TSBP1: variants seen among roughly 807,000 people sequenced by gnomAD.
The protein encoded by TSBP1 is testis expressed basic protein 1.
In TSBP1, 56 loss-of-function variants were observed where a neutral mutation model predicts 68.8. The observed-to-expected ratio is 0.81, with a 90% CI of 0.66 to 1.02. TSBP1 has a LOEUF of 1.02. TSBP1 is among the 50% of genes least tolerant of loss of function. The pLI, the probability that TSBP1 is intolerant of heterozygous loss-of-function variation, is 0.00. For missense variants in TSBP1, 502 were observed against 641.2 expected (o/e 0.78, Z 2.34); for synonymous variants, 171 against 208.7 (o/e 0.82, Z 1.56).
At chr6:32,301,441 C>G (rs9268156) in intron 20 of TSBP1, among the ~76,000 whole-genome samples, 37,948 of 151,764 alleles carry the variant, frequency 0.25, 5,113 homozygotes, top group African/African-American at 0.34. Context: ...AGGCTGGCGC[C>G]GTGGCTCATG....
At chr6:32,300,781 G>C (rs1333400446) in intron 20 of TSBP1, 81 bp from the exon 24 acceptor site, 1 of 1,118,238 alleles carries the variant, frequency 8.9e-7, no homozygotes, top group African/African-American at 1.5e-5. Flanking sequence ...CATTGAGTGG[G>C]ATCTGTGTCA....
intron 22 of TSBP1, 64 bp from the exon 26 acceptor site, chr6:32,294,099 T>C (rs1400617565): frequency 3.8e-6 from 6 of 1,583,592 alleles, no homozygotes; most frequent in Non-Finnish European, 3.4e-6. Flanking sequence ...TCTATTTTTT[T>C]CCCCTTGATA....
Position 32,357,057 on chromosome 6 carries a change from T to C in TSBP1, c.218-1388A>G, listed in dbSNP as rs1226778433. Among the ~76,000 whole-genome samples, 1 of 152,180 alleles carries C rather than the reference T, an allele frequency of 6.6e-6. No individual in the cohort carries two copies. The highest frequency in any genetic ancestry group is 1.5e-5 in the Non-Finnish European group (1 of 68,034). ...TATAGTCTCAAGTTGACCAGTACAT[T>C]TATATTCCTATGTCTAGAAATAATG... On this transcript the variant is annotated intron_variant, in intron 6 of 22. Transcript: ENST00000612031. The surrounding 1 kb of genome is among the most constrained non-coding windows in gnomAD (Gnocchi z 4.7).
At chr6:32,366,597 A>G (rs1442573346) in intron 4 of TSBP1, among the ~76,000 whole-genome samples, 1 of 151,078 alleles carries the variant, frequency 6.6e-6, no homozygotes, top group African/African-American at 2.4e-5. Context: ...CCCCGTCTCT[A>G]CTAAAAACAC....
At chr6:32,358,650 T>C (rs191615730) in intron 6 of TSBP1, among the ~76,000 whole-genome samples, 5 of 151,902 alleles carry the variant, frequency 3.3e-5, no homozygotes, top group Admixed American at 3.3e-4. Flanking sequence ...CACCTGTGAG[T>C]GAGAACATGA....
intron 22 of TSBP1, 128 bp from the exon 26 acceptor site, chr6:32,294,163 G>C (rs146647793): frequency 0.016 from 16,952 of 1,037,506 alleles, 232 homozygotes; most frequent in Non-Finnish European, 0.021. Flanking sequence ...TGAATCTCAA[G>C]TTATCTAAAA....
intron 9 of TSBP1, among the ~76,000 whole-genome samples, chr6:32,341,067 A>T (rs1300417474): frequency 1.3e-5 from 2 of 152,168 alleles, no homozygotes; most frequent in African/African-American, 2.4e-5. Context: ...AAGTGCTGGG[A>T]TTACAGGTGT....
intron 9 of TSBP1, 77 bp downstream of exon 9, chr6:32,349,663 G>A (rs1334922367): frequency 2.3e-6 from 2 of 853,120 alleles, no homozygotes; most frequent in Non-Finnish European, 4.0e-6. Flanking sequence ...GAAGAAGTCT[G>A]GGAAGTTTAG....
exon 23 of TSBP1, chr6:32,293,894 G>A (rs770035027): frequency 1.3e-5 from 21 of 1,612,680 alleles, no homozygotes; most frequent in African/African-American, 1.2e-4. Flanking sequence ...TACAGAATTC[G>A]TAAATATGAT....
chr6:32,312,852 C>G (rs1173218908), intron 19 of TSBP1, among the ~76,000 whole-genome samples: 4 of 149,450 alleles, frequency 2.7e-5, no homozygotes, highest in African/African-American at 9.9e-5. Flanking sequence ...CATTGCCACA[C>G]TCACCTTTAG....
chr6:32,356,589 A>G (rs1772360589), intron 6 of TSBP1, among the ~76,000 whole-genome samples: 1 of 152,044 alleles, frequency 6.6e-6, no homozygotes, highest in African/African-American at 2.4e-5. Context: ...GCCTGGTGGT[A>G]CACGCCTGTA....
intron 10 of TSBP1, 30 bp from the exon 12 acceptor site, chr6:32,339,029 A>C: frequency 6.2e-7 from 1 of 1,600,146 alleles, no homozygotes. Context: ...GGTGAGTTTG[A>C]AGAGAGCATG....
intron 16 of TSBP1, among the ~76,000 whole-genome samples, chr6:32,327,397 G>A (rs1056128668): frequency 1.3e-5 from 2 of 152,144 alleles, no homozygotes; most frequent in Admixed American, 6.5e-5. Context: ...GCTTAAAGAG[G>A]GTAACTGCAG....
At chr6:32,367,164 C>T (rs1021391246) in intron 4 of TSBP1, among the ~76,000 whole-genome samples, 8 of 150,078 alleles carry the variant, frequency 5.3e-5, no homozygotes, top group African/African-American at 2.0e-4. Context: ...TGGCTTCCAG[C>T]AAGAATGAGA....
At chr6:32,330,327 T>A (rs1448177246) in intron 16 of TSBP1, among the ~76,000 whole-genome samples, 3 of 152,172 alleles carry the variant, frequency 2.0e-5, no homozygotes, top group Non-Finnish European at 2.9e-5. Flanking sequence ...ATTCTCTCTC[T>A]GCTACTTTAG....
intron 18 of TSBP1, among the ~76,000 whole-genome samples, chr6:32,318,544 A>G (rs770143210): frequency 1.3e-5 from 2 of 152,200 alleles, no homozygotes; most frequent in Non-Finnish European, 2.9e-5. Flanking sequence ...CCAAAGACAT[A>G]ATGAAATATT....
rs1767020494 is a variant in TSBP1 at position 32,316,915 on chromosome 6, T to C, written c.560-1123A>G. ...AGATCAAGACCATCCTGGCGAACACTGTGATGTTCTAAAAATACAAAAAAA... is the reference window on the plus strand; with the variant it reads ...AGATCAAGACCATCCTGGCGAACACCGTGATGTTCTAAAAATACAAAAAAA... On this transcript the variant is annotated intron_variant, in intron 18 of 22. Transcript: ENST00000612031. The surrounding 1 kb of genome is among the most constrained non-coding windows in gnomAD (Gnocchi z 4.5). 6.6e-6 allele frequency among the ~76,000 whole-genome samples: 1 copy of C among 152,088 alleles called. No homozygotes were observed.
chr6:32,319,565 C>T (rs1767371306), intron 18 of TSBP1, among the ~76,000 whole-genome samples: 1 of 152,042 alleles, frequency 6.6e-6, no homozygotes, highest in Admixed American at 6.6e-5. Context: ...GTCGCTCTGG[C>T]CCTACCTCCT....
At chr6:32,355,549 G>A in intron 7 of TSBP1, 100 bp downstream of exon 7, 1 of 1,452,448 alleles carries the variant, frequency 6.9e-7, no homozygotes, top group South Asian at 1.2e-5. Flanking sequence ...CATATGACTT[G>A]ACATATGACA....
Sources: gnomAD v4.1 joint callset for allele counts (sites outside exome capture counted in the v4.1 genomes callset) on GRCh38, gnomAD v4.1.1 for gene constraint, Gnocchi (gnomAD v3.1) non-coding constraint, MANE v1.5 for transcripts, NCBI Gene and HGNC (gene_info 2026-07-23, HGNC 2026-07-21) for gene names.